Variants in PTPRM observed in about 807,000 individuals in gnomAD.
PTPRM encodes protein tyrosine phosphatase receptor type M.
In PTPRM, 47 loss-of-function variants were observed where a neutral mutation model predicts 186.7. That is an observed-to-expected ratio of 0.25 (90% CI 0.20 to 0.32). The LOEUF (loss-of-function observed/expected upper bound fraction) is 0.32, where lower values mean the gene tolerates loss of function less well. Among genes scored for constraint, PTPRM ranks in the 10% least tolerant of loss-of-function variants. The pLI is 1.00. For missense variants in PTPRM, 1,494 were observed against 1,865.0 expected, an observed-to-expected ratio of 0.80 and a Z score of 3.66; for synonymous variants, 668 against 674.9, an observed-to-expected ratio of 0.99 and a Z score of 0.16.
intron 7 of PTPRM, among the ~76,000 whole-genome samples, chr18:7,985,067 G>A (rs867105612): frequency 5.9e-4 from 63 of 106,412 alleles, no homozygotes; most frequent in South Asian, 9.1e-4. Flanking sequence ...ACATATAATT[G>A]TATATACATA....
intron 14 of PTPRM, among the ~76,000 whole-genome samples, chr18:8,177,523 G>C (rs1413659719): frequency 1.3e-5 from 2 of 152,224 alleles, no homozygotes; most frequent in Non-Finnish European, 2.9e-5. Flanking sequence ...ATTGACGGAA[G>C]CTCAGCTGCT....
intron 7 of PTPRM, among the ~76,000 whole-genome samples, chr18:8,022,772 A>G (rs1261428391): frequency 6.6e-6 from 1 of 152,208 alleles, no homozygotes; most frequent in Non-Finnish European, 1.5e-5. Context: ...ATTCCTGAAT[A>G]TGTAAGAAGT....
intron 14 of PTPRM, among the ~76,000 whole-genome samples, chr18:8,230,483 T>A (rs1327042823): frequency 2.0e-5 from 3 of 152,228 alleles, no homozygotes; most frequent in Non-Finnish European, 4.4e-5. Context: ...TCATTTTATC[T>A]CAACATGGGA....
At chr18:7,966,610 G>C (rs553742536) in intron 7 of PTPRM, among the ~76,000 whole-genome samples, 4 of 147,502 alleles carry the variant, frequency 2.7e-5, no homozygotes, top group Admixed American at 6.8e-5. Flanking sequence ...CACCGTGCGC[G>C]AGCCGAAGCA....
chr18:8,264,936 G>T (rs2094683094), intron 19 of PTPRM, among the ~76,000 whole-genome samples: 1 of 152,194 alleles, frequency 6.6e-6, no homozygotes, highest in Non-Finnish European at 1.5e-5. Flanking sequence ...GTCTAGAGTT[G>T]CAGGCAGGCT....
intron 20 of PTPRM, among the ~76,000 whole-genome samples, chr18:8,309,557 A>T (rs1050006341): frequency 6.6e-6 from 1 of 152,198 alleles, no homozygotes; most frequent in Non-Finnish European, 1.5e-5. Context: ...TCTGTTGCCC[A>T]GGCAAGTGCA....
At chr18:8,248,044 T>G in intron 16 of PTPRM, 106 bp from the exon 17 acceptor site, 1 of 1,356,532 alleles carries the variant, frequency 7.4e-7, no homozygotes, top group South Asian at 1.2e-5. Flanking sequence ...ACCCAATGCG[T>G]TTCTACAGCT....
chr18:7,958,860 C>G (rs1464105710), intron 7 of PTPRM, among the ~76,000 whole-genome samples: 1 of 152,160 alleles, frequency 6.6e-6, no homozygotes, highest in Non-Finnish European at 1.5e-5. Context: ...CTGACTCACT[C>G]TGAGATTTCC....
chr18:8,355,848 C>G (rs780689380), intron 23 of PTPRM, among the ~76,000 whole-genome samples: 6 of 152,174 alleles, frequency 3.9e-5, no homozygotes, highest in Admixed American at 1.3e-4. Flanking sequence ...GCTAGTGAGC[C>G]AAATGGGTCT....
At chr18:7,597,773 C>T (rs9954075) in intron 1 of PTPRM, among the ~76,000 whole-genome samples, 11,988 of 152,102 alleles carry the variant, frequency 0.079, 674 homozygotes, top group African/African-American at 0.15. Flanking sequence ...GTTTTAATTA[C>T]GTAAGCATTA....
chr18:8,367,926 ATTAC>A (rs771686484), intron 23 of PTPRM, among the ~76,000 whole-genome samples: 2 of 152,356 alleles, frequency 1.3e-5, no homozygotes, highest in Admixed American at 6.5e-5. Flanking sequence ...AATCATTTTT[ATTAC>A]TTAAGGTAAA....
chr18:8,341,870 A>C (rs2148250497), intron 22 of PTPRM, among the ~76,000 whole-genome samples: 1 of 152,344 alleles, frequency 6.6e-6, no homozygotes, highest in Admixed American at 6.5e-5. Context: ...CTTAGATTAA[A>C]GTCACTGAAA....
At chr18:8,275,085 A>T (rs1029143193) in intron 19 of PTPRM, among the ~76,000 whole-genome samples, 7 of 152,348 alleles carry the variant, frequency 4.6e-5, no homozygotes, top group Admixed American at 3.9e-4. Flanking sequence ...CATAAAAATC[A>T]AAGCATCCCT....
chr18:8,053,818 T>A (rs61473656), intron 7 of PTPRM, among the ~76,000 whole-genome samples: 260 of 152,258 alleles, frequency 1.7e-3, no homozygotes, highest in Middle Eastern at 6.8e-3. Flanking sequence ...CTCACTAATG[T>A]CTTTCAATGA....
Position 8,145,474 on chromosome 18 carries a change from C to T in PTPRM, c.2300+1695C>T, listed in dbSNP as rs115415418. ...TCTCCTAATGCTATCCCTCCCTTACCGCCCTACCCCCTGACAGGCCCCAGG... is the reference window on the plus strand; with the variant it reads ...TCTCCTAATGCTATCCCTCCCTTACTGCCCTACCCCCTGACAGGCCCCAGG... On this transcript the variant is annotated intron_variant, in intron 14 of 32. Coordinates refer to ENST00000580170, the MANE Select transcript of PTPRM (RefSeq NM_001105244.2). 6.4e-3 allele frequency among the ~76,000 whole-genome samples: 977 copies of T among 152,248 alleles called. 10 individuals carry two copies. Among genetic ancestry groups the T allele is most frequent in the African/African-American group, 0.022 (933 of 41,528 alleles).
intron 22 of PTPRM, among the ~76,000 whole-genome samples, chr18:8,337,103 T>C (rs1288498716): frequency 6.6e-6 from 1 of 152,226 alleles, no homozygotes; most frequent in Non-Finnish European, 1.5e-5. Flanking sequence ...AGAGTCCTTA[T>C]AGATATTAAG....
chr18:7,842,841 T>TATATAGAG (rs1555616753), intron 2 of PTPRM, among the ~76,000 whole-genome samples: 20 of 134,538 alleles, frequency 1.5e-4, no homozygotes, highest in Admixed American at 4.6e-4. Context: ...TATATATATA[T>TATATAGAG]AGAGAGAGAG....
intron 1 of PTPRM, among the ~76,000 whole-genome samples, chr18:7,685,090 G>T (rs1377107164): frequency 6.6e-6 from 1 of 152,144 alleles, no homozygotes; most frequent in Non-Finnish European, 1.5e-5. Flanking sequence ...GATTATAAAC[G>T]TAATCACAGG....
chr18:8,069,812 G>C lies in PTPRM; in HGVS notation c.1259G>C (p.Cys420Ser). The C allele has an allele frequency of 6.2e-7, 1 of 1,614,106 alleles. No homozygotes were observed. Among genetic ancestry groups the C allele is most frequent in the Non-Finnish European group, 8.5e-7 (1 of 1,179,994 alleles). The stretch of plus-strand genomic sequence containing the variant: ...AGTTATAATCTCACTGTCCACTACT[G>C]TTACCAAGTTGGAGGACAAGAACAA... The part of the protein sequence containing the change: ...CHSYNLTVHY[C>S]YQVGGQEQVR... Residue 420 changes from cysteine (C) to serine (S), a missense_variant, in exon 8 of 33, where the codon TGT becomes TCT. Transcript: ENST00000580170.
Sources: gnomAD v4.1 joint callset for allele counts (sites outside exome capture counted in the v4.1 genomes callset) on GRCh38, gnomAD v4.1.1 for gene constraint, MANE v1.5 for transcripts, NCBI Gene and HGNC (gene_info 2026-07-23, HGNC 2026-07-21) for gene names.